PRRG1: variants seen among roughly 807,000 people sequenced by gnomAD.
PRRG1 encodes proline rich and Gla domain 1.
Under a neutral mutation model 11.8 loss-of-function variants are expected in PRRG1, and 5 were observed. The ratio of observed to expected loss-of-function variants is 0.42; its 90% CI spans 0.22 to 0.89. The LOEUF (loss-of-function observed/expected upper bound fraction) is 0.89, where lower values mean the gene tolerates loss of function less well. PRRG1 is among the 40% of genes least tolerant of loss of function. PRRG1 has a pLI of 0.28. For missense variants in PRRG1, 155 were observed against 166.1 expected, an observed-to-expected ratio of 0.93 and a Z score of 0.37; for synonymous variants, 66 against 60.4, an observed-to-expected ratio of 1.09 and a Z score of -0.43.
In PRRG1 at chrX:37,439,793, C is replaced by CTTT. The variant is rs36010783; in HGVS notation, c.172-13325_172-13323dup. Reference sequence around the variant, plus strand: ...TTTTAATTTCTACTGCTTTAAAATTCTTTTTTTTTTTTTTTTTTTTGAGAG... The same window carrying CTTT: ...TTTTAATTTCTACTGCTTTAAAATTCTTTTTTTTTTTTTTTTTTTTTTTGAGAG... On this transcript the variant is annotated intron_variant, in intron 3 of 3. Coordinates refer to ENST00000378628, the MANE Select transcript of PRRG1 (RefSeq NM_001142395.2). 8.2e-3 allele frequency among the ~76,000 whole-genome samples: 604 copies of CTTT among 73,966 alleles called. 28 individuals are homozygous for CTTT. Among genetic ancestry groups the CTTT allele is most frequent in the African/African-American group, 0.029 (508 of 17,259 alleles). 64.2% of individuals were successfully genotyped at this position (73,966 alleles called of 115,157 possible). A position where few individuals can be genotyped will look rare whatever the true frequency, so the allele number is the denominator to read the frequency against.
chrX:37,445,733 A>T (rs1250694814), intron 3 of PRRG1, among the ~76,000 whole-genome samples: 1 of 112,693 alleles, frequency 8.9e-6, no homozygotes, highest in African/African-American at 3.2e-5. Context: ...TTGGCAACCT[A>T]TTTGTTTTTT....
At chrX:37,379,983 T>C (rs1335338547) in intron 1 of PRRG1, among the ~76,000 whole-genome samples, 2 of 111,534 alleles carry the variant, frequency 1.8e-5, no homozygotes, top group Admixed American at 1.9e-4. Context: ...ATGCCATAGA[T>C]ATTCAGAGGA....
chrX:37,406,410 A>G, intron 2 of PRRG1, 151 bp downstream of exon 2: 1 of 536,493 alleles, frequency 1.9e-6, no homozygotes. Flanking sequence ...AGGGCTTTTC[A>G]GAGAAAGACC....
chrX:37,441,067 G>A, intron 3 of PRRG1: 6 of 943,646 alleles, frequency 6.4e-6, no homozygotes, highest in African/African-American at 2.0e-5. Context: ...ACCATGCCCG[G>A]CCATCTATTT....
chrX:37,392,319 C>G (rs1556376943), intron 1 of PRRG1, among the ~76,000 whole-genome samples: 3 of 109,939 alleles, frequency 2.7e-5, no homozygotes, highest in Non-Finnish European at 3.8e-5. Context: ...TATTTATTCT[C>G]TAGCTTTTTA....
chrX:37,377,329 G>T (rs183018859), intron 1 of PRRG1, among the ~76,000 whole-genome samples: 185 of 111,724 alleles, frequency 1.7e-3, no homozygotes, highest in Non-Finnish European at 2.7e-3. Context: ...TCATGTTGTA[G>T]TTTCTGCCTC....
chrX:37,389,385 C>T (rs1931449156), intron 1 of PRRG1, among the ~76,000 whole-genome samples: 2 of 111,700 alleles, frequency 1.8e-5, no homozygotes, highest in Non-Finnish European at 3.8e-5. Flanking sequence ...TAAAGAAATA[C>T]ATGAGACTGG....
chrX:37,427,315 A>G (rs1384617504), intron 3 of PRRG1, among the ~76,000 whole-genome samples: 1 of 111,936 alleles, frequency 8.9e-6, no homozygotes, highest in African/African-American at 3.2e-5. Context: ...AAAAAGCTGT[A>G]CTTATTTAAT....
chrX:37,441,733 A>AT, intron 3 of PRRG1: 1 of 788,653 alleles, frequency 1.3e-6, no homozygotes, highest in Non-Finnish European at 1.5e-6. Context: ...CCAGGAGCTG[A>AT]TGAGGCTGCA....
intron 1 of PRRG1, among the ~76,000 whole-genome samples, chrX:37,362,895 C>T (rs782375331): frequency 5.4e-5 from 6 of 111,410 alleles, no homozygotes; most frequent in African/African-American, 1.3e-4. Flanking sequence ...TTTTCCTCTG[C>T]GACCCAAACC....
intron 1 of PRRG1, among the ~76,000 whole-genome samples, chrX:37,375,300 G>A (rs1280330438): frequency 9.0e-6 from 1 of 111,144 alleles, no homozygotes; most frequent in Non-Finnish European, 1.9e-5. Context: ...AAGGCTAAAT[G>A]GGGACAGGAA....
At chrX:37,384,609 A>G (rs141595615) in intron 1 of PRRG1, among the ~76,000 whole-genome samples, 304 of 111,933 alleles carry the variant, frequency 2.7e-3, no homozygotes, top group African/African-American at 9.0e-3. Context: ...TTAGGAAATT[A>G]TGGCCTTTAG....
intron 1 of PRRG1, among the ~76,000 whole-genome samples, chrX:37,359,446 T>C (rs937365493): frequency 2.7e-5 from 3 of 111,465 alleles, no homozygotes; most frequent in Admixed American, 9.6e-5. Context: ...AGTACATTAA[T>C]TGGTTTTCGA....
At chrX:37,382,018 C>T (rs1931168241) in intron 1 of PRRG1, among the ~76,000 whole-genome samples, 1 of 111,616 alleles carries the variant, frequency 9.0e-6, no homozygotes, top group South Asian at 3.7e-4. Flanking sequence ...TCATACATTT[C>T]ACCTGGAAGC....
intron 3 of PRRG1, among the ~76,000 whole-genome samples, chrX:37,435,437 CTT>C (rs1402700056): frequency 1.8e-5 from 2 of 109,393 alleles, no homozygotes; most frequent in Non-Finnish European, 3.8e-5. Context: ...TTCTTCTTCC[CTT>C]GAGTGTGGCT....
In PRRG1 at chrX:37,361,980, G is replaced by T. The variant is rs782346854; in HGVS notation, c.-42+12585G>T. On this transcript the variant is annotated intron_variant, in intron 1 of 3. Transcript: ENST00000378628. ...ATTCCAAGTTTCTTTTTCTGTATTA[G>T]TATTACCTATGGGACCAGAATAATT... 4.5e-5 allele frequency among the ~76,000 whole-genome samples: 5 copies of T among 111,936 alleles called. No homozygotes were observed. In the South Asian group the frequency reaches 1.8e-3, roughly 41 times the overall value.
chrX:37,391,303 C>G (rs1556376596), intron 1 of PRRG1, among the ~76,000 whole-genome samples: 1 of 111,329 alleles, frequency 9.0e-6, no homozygotes, highest in Non-Finnish European at 1.9e-5. Flanking sequence ...CTGACCCATA[C>G]TTGTCTTTCA....
At position 37,398,647 on chromosome X, in the gene PRRG1, T is replaced by A. The variant is rs781895223; in HGVS notation, c.-41-7562T>A. Reference sequence around the variant, plus strand: ...CTGGACAGAGAATGACTTTGACGAGTTGAGAGAAGACGGCTTCAGACGATC... The same window carrying A: ...CTGGACAGAGAATGACTTTGACGAGATGAGAGAAGACGGCTTCAGACGATC... On this transcript the variant is annotated intron_variant, in intron 1 of 3. Coordinates refer to ENST00000378628, the MANE Select transcript of PRRG1 (RefSeq NM_001142395.2). 3.7e-4 allele frequency among the ~76,000 whole-genome samples: 42 copies of A among 112,007 alleles called. 2 individuals are homozygous for A. Among genetic ancestry groups the A allele is most frequent in the African/African-American group, 3.3e-5 (1 of 30,769 alleles).
chrX:37,424,695 C>T (rs1317414156), intron 2 of PRRG1, among the ~76,000 whole-genome samples: 1 of 109,564 alleles, frequency 9.1e-6, no homozygotes, highest in Non-Finnish European at 1.9e-5. Flanking sequence ...TCATGGTTTT[C>T]ACCCTGGTAT....
Sources: allele counts gnomAD v4.1 joint callset (sites outside exome capture counted in the v4.1 genomes callset), GRCh38; gene constraint gnomAD v4.1.1; transcripts MANE v1.5; gene names NCBI Gene and HGNC (gene_info 2026-07-23, HGNC 2026-07-21).